Variants in SSUH2 observed in about 807,000 individuals in gnomAD.
SSUH2 encodes the protein ssu-2 homolog, also known as protein SSUH2 homolog.
SSUH2 carries 47 observed loss-of-function variants against 55.3 expected under a neutral mutation model. The ratio of observed to expected loss-of-function variants is 0.85; its 90% confidence interval spans 0.67 to 1.08. The LOEUF is 1.08. Ranked by LOEUF, SSUH2 falls within the 50% of genes least tolerant of loss-of-function variation. The pLI is 0.00. For synonymous variants in SSUH2, 212 were observed against 191.5 expected (o/e 1.11, Z -0.89); for missense variants, 535 against 490.7 (o/e 1.09, Z -0.85).
intron 1 of SSUH2, among the ~76,000 whole-genome samples, chr3:8,680,581 A>G (rs1018246509): frequency 6.6e-5 from 10 of 152,086 alleles, no homozygotes; most frequent in African/African-American, 2.4e-4. Flanking sequence ...ATTAGAAACA[A>G]TATCAGTGAG....
At chr3:8,646,450 GA>G (rs1359703398), upstream of SSUH2, among the ~76,000 whole-genome samples, 1 of 152,086 alleles carries the variant, frequency 6.6e-6, no homozygotes. Context: ...ACAAGGACCC[GA>G]AATCTTGAGG....
chr3:8,654,375 T>C (rs1702726523), intron 7 of SSUH2, among the ~76,000 whole-genome samples: 1 of 152,228 alleles, frequency 6.6e-6, no homozygotes, highest in Admixed American at 6.5e-5. Flanking sequence ...AACATCATGT[T>C]TGTAGAATCA....
At chr3:8,651,977 G>A (rs1197990299) in intron 7 of SSUH2, 1 of 152,536 alleles carries the variant, frequency 6.6e-6, no homozygotes, top group Non-Finnish European at 1.5e-5. Context: ...GCCTCAGGCA[G>A]GCTTTCACTC....
rs1324190041 is a variant in SSUH2, at chr3:8,678,959, CG to C, written c.-901+745del. ...ACTCTTCCCCTCCTGGCTCTTGGGA[CG>C]CCCATCGCAGGGCGGAGAGTCACCC... On this transcript the variant is annotated intron_variant, in intron 2 of 18. Coordinates refer to the SSUH2 transcript ENST00000317371. Among the ~76,000 whole-genome samples, 3 of 107,074 alleles carry C rather than the reference CG, an allele frequency of 2.8e-5. 1 individual carries two copies. Among genetic ancestry groups the C allele is most frequent in the Non-Finnish European group, 6.6e-5 (3 of 45,790 alleles). The allele number at this position is 107,074 out of a possible 152,430, so 70.2% of individuals were successfully genotyped here. A position where few individuals can be genotyped will look rare whatever the true frequency, so the allele number is the denominator to read the frequency against.
At chr3:8,644,067 T>C (rs1228314277) in intron 1 of SSUH2, among the ~76,000 whole-genome samples, 2 of 151,896 alleles carry the variant, frequency 1.3e-5, no homozygotes, top group Non-Finnish European at 2.9e-5. Context: ...TTTTAAAACA[T>C]AGCACATTTC....
At chr3:8,624,725 C>T (rs552159281) in intron 10 of SSUH2, among the ~76,000 whole-genome samples, 9 of 152,306 alleles carry the variant, frequency 5.9e-5, no homozygotes, top group Non-Finnish European at 1.0e-4. Flanking sequence ...TCAGAAAATG[C>T]GTGGGGCTGT....
At chr3:8,646,214 G>T (rs1701663252), upstream of SSUH2, among the ~76,000 whole-genome samples, 1 of 152,096 alleles carries the variant, frequency 6.6e-6, no homozygotes, top group Non-Finnish European at 1.5e-5. Flanking sequence ...ATCTGTTTAG[G>T]TGTGTGTTTG....
At chr3:8,644,811 A>C (rs1701459342), upstream of SSUH2, 5 of 1,498,306 alleles carry the variant, frequency 3.3e-6, no homozygotes, top group Non-Finnish European at 4.5e-6. Context: ...GCTTGGACCG[A>C]TGTGCTCTGA....
In SSUH2 at chr3:8,630,938, G is replaced by C. The variant is rs570150644; in HGVS notation, c.401-9C>G. ...CCCATCCACAGAGTGGTCTGACACAGAAAGGGGTCATTGTAAGAATGACGA... is the reference window on the plus strand; with the variant it reads ...CCCATCCACAGAGTGGTCTGACACACAAAGGGGTCATTGTAAGAATGACGA... On this transcript the variant is annotated splice_polypyrimidine_tract_variant and intron_variant, in intron 5 of 11. Transcript: ENST00000544814. 1.4e-6 allele frequency: 2 copies of C among 1,400,304 alleles called. No homozygotes were observed. Among genetic ancestry groups the C allele is most frequent in the African/African-American group, 3.0e-5 (2 of 67,372 alleles). The allele number at this position is 1,400,304 out of a possible 1,614,324, so 86.7% of individuals were successfully genotyped here. A position where few individuals can be genotyped will look rare whatever the true frequency, so the allele number is the denominator to read the frequency against.
intron 3 of SSUH2, among the ~76,000 whole-genome samples, chr3:8,672,510 A>T (rs1166478299): frequency 2.6e-5 from 4 of 152,040 alleles, no homozygotes; most frequent in African/African-American, 9.7e-5. Flanking sequence ...AATATCACAG[A>T]CTGGATGTAC....
intron 6 of SSUH2, among the ~76,000 whole-genome samples, chr3:8,662,638 G>C (rs1703609157): frequency 6.6e-6 from 1 of 152,232 alleles, no homozygotes; most frequent in Admixed American, 6.5e-5. Flanking sequence ...TGAGCACCTA[G>C]ACCAGAAAAG....
intron 5 of SSUH2, among the ~76,000 whole-genome samples, chr3:8,669,887 C>G (rs1704358148): frequency 6.6e-6 from 1 of 152,040 alleles, no homozygotes; most frequent in Non-Finnish European, 1.5e-5. Flanking sequence ...GGACATGGGA[C>G]TCAATGTAAT....
chr3:8,640,305 TTC>T lies in SSUH2; in HGVS notation c.28+4424_28+4425del, dbSNP rs1186995908. 5.3e-5 allele frequency among the ~76,000 whole-genome samples: 8 copies of T among 152,180 alleles called. No homozygotes were observed. In the South Asian group the frequency reaches 1.7e-3, roughly 32 times the overall value. Reference sequence around the variant, plus strand: ...TCCTAAGAGAAAGAAAAGAAAGAAGTTCTGTTTTTGCCACAAAGAACAAACAA... The same window carrying T: ...TCCTAAGAGAAAGAAAAGAAAGAAGTTGTTTTTGCCACAAAGAACAAACAA... On this transcript the variant is annotated intron_variant, in intron 1 of 11. Transcript: ENST00000544814.
intron 1 of SSUH2, among the ~76,000 whole-genome samples, chr3:8,641,432 A>G (rs927912257): frequency 9.2e-5 from 14 of 152,306 alleles, no homozygotes; most frequent in African/African-American, 3.1e-4. Flanking sequence ...CTCAGGGAGT[A>G]GGGTCACTGA....
In SSUH2 at chr3:8,635,370, A is replaced by G. The variant is rs200551193; in HGVS notation, c.139T>C (p.Phe47Leu). 59 of 1,535,928 alleles carry G rather than the reference A, an allele frequency of 3.8e-5. No homozygotes were observed. The East Asian group carries it at 1.1e-3, about 27-fold the overall frequency. ...WLLQGGRGQI[F>L]FPPLEAPGRP... ...CCTGGGGCCTCCAAAGGTGGGAAGA[A>G]TATCTGTCCTCCTGGAGAAGGGAAG... The change falls in exon 3 of 12, where the codon TTC (phenylalanine) becomes CTC (leucine). Residue 47 changes from phenylalanine to leucine, a missense_variant. Transcript: ENST00000544814.
intron 5 of SSUH2, among the ~76,000 whole-genome samples, chr3:8,668,204 C>T (rs542572827): frequency 6.6e-6 from 1 of 152,206 alleles, no homozygotes; most frequent in South Asian, 2.1e-4. Flanking sequence ...TTCATTAATT[C>T]CAGCCAGGTT....
At chr3:8,680,536 A>G (rs1705871489) in intron 1 of SSUH2, among the ~76,000 whole-genome samples, 1 of 151,994 alleles carries the variant, frequency 6.6e-6, no homozygotes, top group African/African-American at 2.4e-5. Context: ...ACTCCCTGCG[A>G]TATCGTGTGT....
chr3:8,661,587 C>T (rs1032846511), intron 6 of SSUH2, among the ~76,000 whole-genome samples: 21 of 152,168 alleles, frequency 1.4e-4, no homozygotes, highest in African/African-American at 3.6e-4. Flanking sequence ...GAGAGACTCC[C>T]GAATCCGAGA....
chr3:8,622,767 G>A (rs75591151), intron 11 of SSUH2, among the ~76,000 whole-genome samples: 4,147 of 152,270 alleles, frequency 0.027, 161 homozygotes, highest in African/African-American at 0.094. Flanking sequence ...AGGACAGAAA[G>A]GGACATTTTG....
Sources: gnomAD v4.1 joint callset for allele counts (sites outside exome capture counted in the v4.1 genomes callset) on GRCh38, gnomAD v4.1.1 for gene constraint, MANE v1.5 for transcripts, NCBI Gene and HGNC (gene_info 2026-07-23, HGNC 2026-07-21) for gene names.